Variants in PTPRM observed in about 807,000 individuals in gnomAD.
PTPRM encodes protein tyrosine phosphatase receptor type M, also known as receptor-type tyrosine-protein phosphatase mu.
In PTPRM, 47 loss-of-function variants were observed where a neutral mutation model predicts 186.7. The ratio of observed to expected loss-of-function variants is 0.25; its 90% CI spans 0.20 to 0.32. The LOEUF (loss-of-function observed/expected upper bound fraction) is 0.32, where lower values mean the gene tolerates loss of function less well. Ranked by LOEUF, PTPRM falls within the 10% of genes least tolerant of loss-of-function variation. The pLI is 1.00. For missense variants in PTPRM, 1,494 were observed against 1,865.0 expected (o/e 0.80, Z 3.66); for synonymous variants, 668 against 674.9 (o/e 0.99, Z 0.16).
rs117124592 is a variant in PTPRM, at chr18:8,198,120, T to C, written c.2301-45938T>C. Among the ~76,000 whole-genome samples, 279 of 152,302 alleles carry C rather than the reference T, an allele frequency of 1.8e-3. 3 individuals are homozygous for C. In the East Asian group the frequency reaches 0.028, roughly 15 times the overall value. On this transcript the variant is annotated intron_variant, in intron 14 of 32. Transcript: ENST00000580170. ...TAGGCTATGAACTAGAGGGAGGGTG[T>C]GCATTCATTTCACTAAAGTAAAATT...
intron 23 of PTPRM, among the ~76,000 whole-genome samples, chr18:8,343,736 A>G (rs563904320): frequency 2.0e-5 from 3 of 152,366 alleles, no homozygotes; most frequent in Non-Finnish European, 4.4e-5. Context: ...CAGGAAAGGC[A>G]CTCAAGATTT....
At chr18:8,284,399 G>T (rs2094934446) in intron 19 of PTPRM, among the ~76,000 whole-genome samples, 1 of 152,014 alleles carries the variant, frequency 6.6e-6, no homozygotes, top group African/African-American at 2.4e-5. Context: ...ACAACTTCTG[G>T]CAACCTCCTT....
chr18:7,735,912 G>A (rs2040760578), intron 1 of PTPRM, among the ~76,000 whole-genome samples: 2 of 151,602 alleles, frequency 1.3e-5, no homozygotes, highest in South Asian at 4.2e-4. Context: ...TTGCCAATCA[G>A]GAAATCTTTG....
intron 14 of PTPRM, among the ~76,000 whole-genome samples, chr18:8,148,015 G>A (rs1333185952): frequency 2.6e-5 from 4 of 152,226 alleles, no homozygotes; most frequent in Non-Finnish European, 5.9e-5. Flanking sequence ...TGGTGGATAA[G>A]CTTTTTAATG....
At chr18:7,920,278 A>G (rs1205326962) in intron 4 of PTPRM, among the ~76,000 whole-genome samples, 1 of 151,900 alleles carries the variant, frequency 6.6e-6, no homozygotes, top group Non-Finnish European at 1.5e-5. Context: ...TTCCTTTCTT[A>G]CTACTTTGTA....
At chr18:7,842,841 TAGAG>T (rs375833450) in intron 2 of PTPRM, among the ~76,000 whole-genome samples, 1 of 134,526 alleles carries the variant, frequency 7.4e-6, no homozygotes, top group African/African-American at 2.9e-5. Flanking sequence ...TATATATATA[TAGAG>T]AGAGAGAGAG....
chr18:7,925,381 A>G (rs1378856305), intron 4 of PTPRM, among the ~76,000 whole-genome samples: 1 of 152,196 alleles, frequency 6.6e-6, no homozygotes, highest in Non-Finnish European at 1.5e-5. Context: ...CCTCCAAATT[A>G]ATAATGGGGC....
chr18:8,266,508 G>A (rs530452132), intron 19 of PTPRM, among the ~76,000 whole-genome samples: 2 of 152,248 alleles, frequency 1.3e-5, no homozygotes, highest in South Asian at 2.1e-4. Context: ...TTGAATTAGA[G>A]CCCATGTTTT....
chr18:7,672,176 T>C (rs139831299), intron 1 of PTPRM, among the ~76,000 whole-genome samples: 19 of 152,322 alleles, frequency 1.2e-4, no homozygotes, highest in Non-Finnish European at 2.1e-4. Flanking sequence ...TGAATCAGTC[T>C]AAAGCAAAAT....
intron 2 of PTPRM, among the ~76,000 whole-genome samples, chr18:7,886,300 T>G (rs530551078): frequency 6.6e-6 from 1 of 152,240 alleles, no homozygotes; most frequent in East Asian, 1.9e-4. Flanking sequence ...TTGAAGATTT[T>G]TTACATTTGT....
At chr18:7,811,608 T>C (rs2044521764) in intron 2 of PTPRM, among the ~76,000 whole-genome samples, 1 of 152,192 alleles carries the variant, frequency 6.6e-6, no homozygotes, top group Non-Finnish European at 1.5e-5. Context: ...CAAGCATTTC[T>C]CCCATCTCAG....
At chr18:8,074,504 T>C (rs1329878942) in intron 8 of PTPRM, among the ~76,000 whole-genome samples, 1 of 152,210 alleles carries the variant, frequency 6.6e-6, no homozygotes. Context: ...AGTAGCGGCA[T>C]GACTTTACCT....
intron 7 of PTPRM, among the ~76,000 whole-genome samples, chr18:8,068,196 A>T (rs2089225191): frequency 6.6e-6 from 1 of 152,226 alleles, no homozygotes; most frequent in African/African-American, 2.4e-5. Flanking sequence ...ACACATAGTA[A>T]GTGTGCAATA....
At chr18:7,585,192 A>G (rs746108963) in intron 1 of PTPRM, among the ~76,000 whole-genome samples, 1 of 152,218 alleles carries the variant, frequency 6.6e-6, no homozygotes, top group Non-Finnish European at 1.5e-5. Flanking sequence ...TGAGGCCTTT[A>G]GGCACTATTC....
intron 1 of PTPRM, chr18:7,755,430 T>A (rs1213786995): frequency 1.3e-5 from 2 of 152,112 alleles, no homozygotes. Flanking sequence ...GCACAGCCTT[T>A]TGGGGTATGG....
chr18:8,375,563 G>A (rs371529936), intron 24 of PTPRM, among the ~76,000 whole-genome samples: 16 of 152,208 alleles, frequency 1.1e-4, no homozygotes, highest in South Asian at 4.1e-4. Context: ...CAGTGAGTGT[G>A]CACCACTCCA....
chr18:7,690,306 T>C (rs1466856979), intron 1 of PTPRM, among the ~76,000 whole-genome samples: 1 of 152,240 alleles, frequency 6.6e-6, no homozygotes, highest in Admixed American at 6.5e-5. Context: ...TTGCTTGGAA[T>C]GGTTTTCTTA....
intron 29 of PTPRM, among the ~76,000 whole-genome samples, chr18:8,382,224 C>T (rs1056121742): frequency 6.6e-6 from 1 of 152,184 alleles, no homozygotes; most frequent in Non-Finnish European, 1.5e-5. Context: ...CCATTTAAGC[C>T]ATTTTCTACA....
chr18:7,743,028 AAG>A (rs1457546594), intron 1 of PTPRM, among the ~76,000 whole-genome samples: 2 of 152,346 alleles, frequency 1.3e-5, no homozygotes, highest in East Asian at 1.9e-4. Context: ...ACGGATGAGA[AAG>A]AGGGGCCAAA....
Sources: gnomAD v4.1 joint callset for allele counts (sites outside exome capture counted in the v4.1 genomes callset) on GRCh38, gnomAD v4.1.1 for gene constraint, MANE v1.5 for transcripts, NCBI Gene and HGNC (gene_info 2026-07-23, HGNC 2026-07-21) for gene names.